GRIK2: variants seen among roughly 807,000 people sequenced by gnomAD.
GRIK2 encodes the protein glutamate receptor ionotropic, kainate 2.
In GRIK2, 32 loss-of-function variants were observed where a neutral mutation model predicts 100.3. The ratio of observed to expected loss-of-function variants is 0.32; its 90% CI spans 0.24 to 0.43. GRIK2 has a LOEUF of 0.43. Among genes scored for constraint, GRIK2 ranks in the 20% least tolerant of loss-of-function variants. GRIK2 has a pLI of 1.00. For synonymous variants in GRIK2, 417 were observed against 389.4 expected, an observed-to-expected ratio of 1.07 and a Z score of -0.83; for missense variants, 843 against 1,114.9, an observed-to-expected ratio of 0.76 and a Z score of 3.47.
intron 7 of GRIK2, among the ~76,000 whole-genome samples, chr6:101,758,006 T>C (rs578228104): frequency 1.3e-5 from 2 of 152,108 alleles, no homozygotes; most frequent in Non-Finnish European, 2.9e-5. Context: ...GGCAGGAAGA[T>C]TGCTTGAGTC....
chr6:101,882,483 A>G (rs1310140753), intron 11 of GRIK2, among the ~76,000 whole-genome samples: 1 of 152,066 alleles, frequency 6.6e-6, no homozygotes, highest in Admixed American at 6.6e-5. Flanking sequence ...AGTTTACTCA[A>G]TATTATTTGA....
chr6:101,436,848 G>T (rs993927280), intron 2 of GRIK2, among the ~76,000 whole-genome samples: 3 of 150,514 alleles, frequency 2.0e-5, no homozygotes, highest in Non-Finnish European at 4.4e-5. Flanking sequence ...CAACATGCAG[G>T]TTTGTTAAAT....
intron 4 of GRIK2, among the ~76,000 whole-genome samples, chr6:101,651,004 CTTTT>C (rs3056156): frequency 3.1e-4 from 37 of 119,506 alleles, no homozygotes; most frequent in African/African-American, 8.6e-4. Flanking sequence ...CTTTCTTTTT[CTTTT>C]TTTTTTTTTT....
chr6:101,578,360 A>G (rs1024929278), intron 2 of GRIK2, among the ~76,000 whole-genome samples: 1 of 152,142 alleles, frequency 6.6e-6, no homozygotes, highest in South Asian at 2.1e-4. Flanking sequence ...ATAATGTTGA[A>G]AATTGGAAGA....
At chr6:101,891,529 A>AG in intron 12 of GRIK2, 2 of 396,526 alleles carry the variant, frequency 5.0e-6, no homozygotes, top group Non-Finnish European at 9.7e-6. Flanking sequence ...AAAAAAAAAA[A>AG]AAAAAAAAGG....
intron 14 of GRIK2, among the ~76,000 whole-genome samples, chr6:101,974,707 A>G (rs1031104824): frequency 1.3e-5 from 2 of 151,962 alleles, no homozygotes; most frequent in Admixed American, 1.3e-4. Flanking sequence ...ACTTAAAGTC[A>G]GTTGATTGTA....
chr6:101,611,194 G>T (rs1779661528), intron 2 of GRIK2, among the ~76,000 whole-genome samples: 1 of 151,722 alleles, frequency 6.6e-6, no homozygotes, highest in Admixed American at 6.6e-5. Context: ...TTTAAAATAA[G>T]AAAGCACATT....
intron 14 of GRIK2, among the ~76,000 whole-genome samples, chr6:101,942,964 G>A (rs1412739448): frequency 6.6e-6 from 1 of 152,168 alleles, no homozygotes; most frequent in Non-Finnish European, 1.5e-5. Context: ...TGTCTCCAAG[G>A]CATTTCAGAG....
intron 15 of GRIK2, among the ~76,000 whole-genome samples, chr6:102,048,496 C>G (rs993184780): frequency 7.2e-5 from 11 of 152,046 alleles, no homozygotes; most frequent in African/African-American, 2.7e-4. Flanking sequence ...ATTAAGAACT[C>G]AGACAACTGA....
At chr6:101,969,737 G>T (rs1485912452) in intron 14 of GRIK2, among the ~76,000 whole-genome samples, 1 of 151,930 alleles carries the variant, frequency 6.6e-6, no homozygotes, top group Non-Finnish European at 1.5e-5. Context: ...ACATATATAG[G>T]ATTGTGTGTC....
chr6:101,683,969 G>T (rs935264118), intron 6 of GRIK2, among the ~76,000 whole-genome samples: 2 of 152,106 alleles, frequency 1.3e-5, no homozygotes, highest in African/African-American at 4.8e-5. Context: ...CTTCCAGTTA[G>T]TCTCCTTGCT....
Position 101,482,645 on chromosome 6 carries a change from G to C in GRIK2, c.115+83253G>C, listed in dbSNP as rs116066527. Among the ~76,000 whole-genome samples, 297 of 152,178 alleles carry C rather than the reference G, an allele frequency of 2.0e-3. 2 individuals carry two copies. Among genetic ancestry groups the C allele is most frequent in the African/African-American group, 6.9e-3 (288 of 41,506 alleles). On this transcript the variant is annotated intron_variant, in intron 2 of 16. Coordinates refer to ENST00000369134, the MANE Select transcript of GRIK2 (RefSeq NM_021956.5). ...TGTGTAGAGTAGGAAAGTTTAAGTAGATTTGAGGCACAGAGAAAAAAAGAC... is the reference window on the plus strand; with the variant it reads ...TGTGTAGAGTAGGAAAGTTTAAGTACATTTGAGGCACAGAGAAAAAAAGAC...
At chr6:102,056,382 T>A (rs1400778012) in intron 16 of GRIK2, among the ~76,000 whole-genome samples, 2 of 151,982 alleles carry the variant, frequency 1.3e-5, no homozygotes. Flanking sequence ...AATAACTCTT[T>A]CAGATGCTAC....
At chr6:101,725,267 A>C (rs191390181) in intron 7 of GRIK2, among the ~76,000 whole-genome samples, 227 of 152,182 alleles carry the variant, frequency 1.5e-3, no homozygotes, top group African/African-American at 5.3e-3. Context: ...CACCATTGGG[A>C]AAACATTTTA....
intron 2 of GRIK2, among the ~76,000 whole-genome samples, chr6:101,548,399 C>G (rs1776351813): frequency 6.6e-6 from 1 of 152,088 alleles, no homozygotes. Flanking sequence ...CTTGCCCATG[C>G]CTATGTCCTG....
intron 14 of GRIK2, among the ~76,000 whole-genome samples, chr6:101,968,224 T>G (rs1792814716): frequency 6.6e-6 from 1 of 152,030 alleles, no homozygotes; most frequent in Admixed American, 6.6e-5. Context: ...AAAGGAGAAT[T>G]TTAAGGACAT....
At chr6:101,404,436 G>T (rs1011730467) in intron 2 of GRIK2, among the ~76,000 whole-genome samples, 1 of 152,118 alleles carries the variant, frequency 6.6e-6, no homozygotes, top group African/African-American at 2.4e-5. Context: ...TTGCTCTTTT[G>T]TGGTAGAAAT....
chr6:101,498,844 T>C (rs1773594576), intron 2 of GRIK2, among the ~76,000 whole-genome samples: 1 of 152,220 alleles, frequency 6.6e-6, no homozygotes, highest in African/African-American at 2.4e-5. Context: ...TGGTAGTTTC[T>C]TTTGCTGTGC....
At chr6:101,914,276 G>T (rs953192907) in intron 12 of GRIK2, among the ~76,000 whole-genome samples, 3 of 151,424 alleles carry the variant, frequency 2.0e-5, no homozygotes, top group Non-Finnish European at 4.4e-5. Context: ...CACATTGGTT[G>T]AATATAGACA....
Sources: gnomAD v4.1 joint callset for allele counts (sites outside exome capture counted in the v4.1 genomes callset) on GRCh38, gnomAD v4.1.1 for gene constraint, MANE v1.5 for transcripts, NCBI Gene and HGNC (gene_info 2026-07-23, HGNC 2026-07-21) for gene names.